The following SLX4IP variants were observed in gnomAD, a reference collection of about 807,000 sequenced individuals.
SLX4IP encodes the protein SLX4 interacting protein, also known as protein SLX4IP.
A neutral mutation model predicts 32.9 loss-of-function variants in SLX4IP; 34 were observed. The observed-to-expected ratio is 1.03, with a 90% CI of 0.79 to 1.38. The LOEUF (loss-of-function observed/expected upper bound fraction) is 1.38, where lower values mean the gene tolerates loss of function less well. Among genes scored for constraint, SLX4IP ranks in the 40% most tolerant of loss-of-function variants. The pLI is 0.00. For synonymous variants in SLX4IP, 172 were observed against 171.7 expected (o/e 1.00, Z -0.01); for missense variants, 444 against 479.0 (o/e 0.93, Z 0.68).
In SLX4IP at chr20:10,436,913, C is replaced by T. The variant is rs563301692; in HGVS notation, c.-30+1460C>T. ...GTAAGTCTTAGCATCCAATTTACCA[C>T]TGGTTTGCGTTTTTTTTTTAAAAGT... On this transcript the variant is annotated intron_variant, in intron 1 of 7. Coordinates refer to ENST00000334534, the MANE Select transcript of SLX4IP (RefSeq NM_001009608.3). Among the ~76,000 whole-genome samples the T allele has an allele frequency of 6.6e-5, 10 of 151,194 alleles. 1 individual carries two copies. Among genetic ancestry groups the T allele is most frequent in the Middle Eastern group, 3.4e-3 (1 of 294 alleles).
rs1022250011 is a variant in SLX4IP at position 10,624,081 on chromosome 20, G to A, written c.*702G>A. On this transcript the variant is annotated 3_prime_UTR_variant, in exon 8 of 8. Coordinates refer to ENST00000334534, the MANE Select transcript of SLX4IP (RefSeq NM_001009608.3). ...CATCCCCTCGGACTCCCTCAAACTC[G>A]TAAAACACTTGGGTTTGGTGTATGG... 1.3e-5 allele frequency: 2 copies of A among 152,238 alleles called. No individual in the cohort carries two copies. Among genetic ancestry groups the A allele is most frequent in the African/African-American group, 2.4e-5 (1 of 41,440 alleles). The allele number at this position is 152,238 out of a possible 1,614,324, so 9.4% of individuals were successfully genotyped here.
intron 4 of SLX4IP, among the ~76,000 whole-genome samples, chr20:10,597,445 G>C (rs2066784182): frequency 6.6e-6 from 1 of 152,210 alleles, no homozygotes; most frequent in Non-Finnish European, 1.5e-5. Context: ...GAATTAAGCT[G>C]GCACTTTCTG....
At chr20:10,522,747 C>T (rs570112259) in intron 2 of SLX4IP, among the ~76,000 whole-genome samples, 58 of 152,302 alleles carry the variant, frequency 3.8e-4, no homozygotes, top group Admixed American at 8.5e-4. Flanking sequence ...CCTTGTTCTT[C>T]CCCGCCATTG....
intron 1 of SLX4IP, among the ~76,000 whole-genome samples, chr20:10,440,099 G>A (rs1177137573): frequency 6.6e-6 from 1 of 150,686 alleles, no homozygotes; most frequent in African/African-American, 2.4e-5. Context: ...ATTCATTTGT[G>A]TCACTTTTGA....
intron 1 of SLX4IP, among the ~76,000 whole-genome samples, chr20:10,443,583 C>T (rs2065175900): frequency 6.6e-6 from 1 of 152,164 alleles, no homozygotes. Context: ...AGAGCTGGAG[C>T]TGCATGTTCA....
intron 6 of SLX4IP, among the ~76,000 whole-genome samples, chr20:10,606,137 A>G (rs1274276771): frequency 6.6e-6 from 1 of 152,210 alleles, no homozygotes; most frequent in Non-Finnish European, 1.5e-5. Context: ...AAAACTACAA[A>G]ATAATTTTGC....
intron 2 of SLX4IP, among the ~76,000 whole-genome samples, chr20:10,540,462 T>C (rs2066094611): frequency 6.6e-6 from 1 of 152,196 alleles, no homozygotes; most frequent in Non-Finnish European, 1.5e-5. Context: ...TCTTCACTTA[T>C]CCGAGGAGGA....
chr20:10,524,495 C>G (rs764927728), intron 2 of SLX4IP, among the ~76,000 whole-genome samples: 5 of 152,166 alleles, frequency 3.3e-5, no homozygotes, highest in African/African-American at 4.8e-5. Flanking sequence ...CTCCCAGGAG[C>G]CCACTCAGCA....
At chr20:10,582,756 G>C (rs1866379193) in intron 4 of SLX4IP, among the ~76,000 whole-genome samples, 1 of 152,000 alleles carries the variant, frequency 6.6e-6, no homozygotes, top group Admixed American at 6.6e-5. Context: ...TATCTACTTA[G>C]AAAAATTATT....
chr20:10,606,742 A>G (rs976487961), intron 6 of SLX4IP, among the ~76,000 whole-genome samples: 2 of 152,220 alleles, frequency 1.3e-5, no homozygotes, highest in African/African-American at 2.4e-5. Context: ...AGTGATCTGG[A>G]TGGTATCTCT....
chr20:10,468,861 G>GCCTA (rs2065401142), intron 2 of SLX4IP, among the ~76,000 whole-genome samples: 2 of 151,846 alleles, frequency 1.3e-5, no homozygotes, highest in South Asian at 4.1e-4. Context: ...TATACATTAT[G>GCCTA]CCTAGCCACA....
intron 5 of SLX4IP, among the ~76,000 whole-genome samples, chr20:10,600,579 TG>T (rs1427066248): frequency 1.3e-5 from 2 of 152,194 alleles, no homozygotes; most frequent in African/African-American, 4.8e-5. Context: ...AGTCTAGTAG[TG>T]TAAGGTGTTA....
chr20:10,619,867 G>A (rs980163828), intron 6 of SLX4IP, among the ~76,000 whole-genome samples: 7 of 152,204 alleles, frequency 4.6e-5, no homozygotes, highest in Admixed American at 1.3e-4. Flanking sequence ...CAAAAAAAAA[G>A]GGAGTATAAT....
At chr20:10,445,182 T>A (rs6108580) in intron 1 of SLX4IP, among the ~76,000 whole-genome samples, 1 of 151,836 alleles carries the variant, frequency 6.6e-6, no homozygotes, top group Non-Finnish European at 1.5e-5. Context: ...ACAGAAGGGA[T>A]GAGAAGCTCT....
chr20:10,618,791 C>T (rs988591240), intron 6 of SLX4IP, among the ~76,000 whole-genome samples: 41 of 152,298 alleles, frequency 2.7e-4, no homozygotes, highest in Middle Eastern at 3.4e-3. Flanking sequence ...TATATCTGCA[C>T]CTTGGCGTTG....
chr20:10,445,764 A>G (rs1284684435), intron 1 of SLX4IP, among the ~76,000 whole-genome samples: 3 of 151,460 alleles, frequency 2.0e-5, no homozygotes, highest in East Asian at 3.9e-4. Flanking sequence ...AGCTGGGACT[A>G]CAGGCACATG....
chr20:10,444,237 G>A (rs1483214424), intron 1 of SLX4IP, among the ~76,000 whole-genome samples: 3 of 152,192 alleles, frequency 2.0e-5, no homozygotes, highest in Admixed American at 2.0e-4. Flanking sequence ...ATCACCATGT[G>A]TTTTAGTCTG....
intron 7 of SLX4IP, 23 bp downstream of exon 7, chr20:10,621,437 T>C: frequency 1.2e-6 from 2 of 1,608,156 alleles, no homozygotes; most frequent in Non-Finnish European, 1.7e-6. Context: ...TGTTTCCTTT[T>C]TCTCATTTTT....
intron 2 of SLX4IP, among the ~76,000 whole-genome samples, chr20:10,479,744 G>A (rs1051739409): frequency 5.3e-5 from 8 of 151,824 alleles, no homozygotes; most frequent in Admixed American, 5.2e-4. Flanking sequence ...GGTGGCTCAC[G>A]CCTGTAATCC....
Sources: gnomAD v4.1 joint callset for allele counts (sites outside exome capture counted in the v4.1 genomes callset) on GRCh38, gnomAD v4.1.1 for gene constraint, MANE v1.5 for transcripts, NCBI Gene and HGNC (gene_info 2026-07-23, HGNC 2026-07-21) for gene names.